The following KHDRBS3 variants were observed in gnomAD, a reference collection of about 807,000 sequenced individuals.
KHDRBS3 encodes KH RNA binding domain containing, signal transduction associated 3.
In KHDRBS3, 23 loss-of-function variants were observed where a neutral mutation model predicts 45.6. That is an observed-to-expected ratio of 0.50 (90% CI 0.36 to 0.72). KHDRBS3 has a LOEUF of 0.72. Ranked by LOEUF, KHDRBS3 falls within the 30% of genes least tolerant of loss-of-function variation. The probability of loss-of-function intolerance (pLI) is 0.00; values close to 1 mark genes in which losing one functional copy is unlikely to be tolerated. For synonymous variants in KHDRBS3, 162 were observed against 156.5 expected (o/e 1.04, Z -0.26); for missense variants, 352 against 424.8 (o/e 0.83, Z 1.51).
At chr8:135,655,444 T>C (rs1481512732) in intron 4 of KHDRBS3, among the ~76,000 whole-genome samples, 1 of 152,138 alleles carries the variant, frequency 6.6e-6, no homozygotes, top group Non-Finnish European at 1.5e-5. Context: ...AATAAGCTAA[T>C]ACAGGTGGGA....
At chr8:135,574,614 A>G (rs1398830625) in intron 5 of KHDRBS3, among the ~76,000 whole-genome samples, 1 of 152,196 alleles carries the variant, frequency 6.6e-6, no homozygotes, top group Non-Finnish European at 1.5e-5. Context: ...GATGGCAATC[A>G]TGGATATTGG....
Position 135,613,111 on chromosome 8 carries a change from AT to A in KHDRBS3, c.890+6076del, listed in dbSNP as rs551561192. Among the ~76,000 whole-genome samples the A allele has an allele frequency of 8.8e-4, 134 of 151,912 alleles. 3 individuals are homozygous for A. The highest frequency in any genetic ancestry group is 3.1e-3 in the African/African-American group (127 of 41,216). ...AGAGAACTGGAAAGCGGCCCCTCAT[AT>A]TCCTACTTTTTAAATTCCTATTTTA... On this transcript the variant is annotated intron_variant, in intron 7 of 8. Coordinates refer to ENST00000355849, the MANE Select transcript of KHDRBS3 (RefSeq NM_006558.3).
intron 1 of KHDRBS3, among the ~76,000 whole-genome samples, chr8:135,495,488 T>C (rs547662916): frequency 1.6e-4 from 25 of 152,212 alleles, no homozygotes; most frequent in Non-Finnish European, 3.1e-4. Context: ...AAATATATCA[T>C]GACAAGAATT....
intron 6 of KHDRBS3, among the ~76,000 whole-genome samples, chr8:135,588,524 G>T (rs1027262363): frequency 2.6e-5 from 4 of 152,090 alleles, no homozygotes; most frequent in Non-Finnish European, 4.4e-5. Context: ...GGAGGTCAAA[G>T]GTGGGACAGC....
intron 1 of KHDRBS3, among the ~76,000 whole-genome samples, chr8:135,478,807 T>TA (rs1375258284): frequency 6.6e-6 from 1 of 152,158 alleles, no homozygotes; most frequent in African/African-American, 2.4e-5. Flanking sequence ...TGTCAAAACT[T>TA]AAGAGATACA....
intron 7 of KHDRBS3, among the ~76,000 whole-genome samples, chr8:135,624,915 G>A (rs544433804): frequency 2.0e-4 from 31 of 152,222 alleles, no homozygotes; most frequent in African/African-American, 3.6e-4. Flanking sequence ...AGTGTGACCC[G>A]CATCTGCATG....
intron 5 of KHDRBS3, among the ~76,000 whole-genome samples, chr8:135,576,744 CTTG>C (rs1296286884): frequency 6.6e-6 from 1 of 152,150 alleles, no homozygotes; most frequent in African/African-American, 2.4e-5. Context: ...TGCTGGCCCG[CTTG>C]TTGTTTCTGG....
At chr8:135,568,702 A>T (rs1188409843) in intron 5 of KHDRBS3, among the ~76,000 whole-genome samples, 1 of 152,224 alleles carries the variant, frequency 6.6e-6, no homozygotes, top group Non-Finnish European at 1.5e-5. Context: ...TGAAAGTAAT[A>T]AACATGTGCT....
chr8:135,607,134 T>C, intron 7 of KHDRBS3, 97 bp downstream of exon 7: 1 of 885,498 alleles, frequency 1.1e-6, no homozygotes, highest in Non-Finnish European at 1.8e-6. Flanking sequence ...CTAGAGAGGG[T>C]AATTGGCTTG....
At chr8:135,517,417 G>T (rs1824667375) in intron 1 of KHDRBS3, among the ~76,000 whole-genome samples, 1 of 152,152 alleles carries the variant, frequency 6.6e-6, no homozygotes, top group South Asian at 2.1e-4. Flanking sequence ...CGGGGAAGAT[G>T]AGAGCGGTAG....
chr8:135,642,279 A>T (rs1831092784), intron 7 of KHDRBS3, among the ~76,000 whole-genome samples: 1 of 152,184 alleles, frequency 6.6e-6, no homozygotes, highest in South Asian at 2.1e-4. Flanking sequence ...CTGAGCTTTG[A>T]GTGTAGGTGC....
At chr8:135,648,503 T>G (rs964400457), downstream of KHDRBS3, 1 of 152,254 alleles carries the variant, frequency 6.6e-6, no homozygotes, top group Non-Finnish European at 1.5e-5. Flanking sequence ...GATTTTTTTC[T>G]GTTTATGTTG....
chr8:135,593,955 C>T (rs751958949), intron 6 of KHDRBS3, among the ~76,000 whole-genome samples: 12 of 152,108 alleles, frequency 7.9e-5, no homozygotes, highest in Non-Finnish European at 1.3e-4. Flanking sequence ...GAGTAGCACT[C>T]AGGTAGGAGG....
At chr8:135,587,059 T>A (rs1050945471) in intron 6 of KHDRBS3, among the ~76,000 whole-genome samples, 1 of 152,234 alleles carries the variant, frequency 6.6e-6, no homozygotes, top group African/African-American at 2.4e-5. Flanking sequence ...TAAATACTTA[T>A]ATTATGCCCA....
At chr8:135,459,851 G>A (rs763154974) in intron 1 of KHDRBS3, among the ~76,000 whole-genome samples, 72 of 152,250 alleles carry the variant, frequency 4.7e-4, no homozygotes, top group Non-Finnish European at 9.4e-4. Context: ...GGGAAATGTT[G>A]CCATTTAGTG....
chr8:135,607,580 A>T (rs1160980042), intron 7 of KHDRBS3, among the ~76,000 whole-genome samples: 1 of 152,244 alleles, frequency 6.6e-6, no homozygotes, highest in Non-Finnish European at 1.5e-5. Flanking sequence ...ACAGAGCTTC[A>T]TACTTACCTC....
chr8:135,539,555 A>C (rs978185730), intron 2 of KHDRBS3: 1 of 152,222 alleles, frequency 6.6e-6, no homozygotes. Flanking sequence ...TCATCTATTT[A>C]TTACTTACTA....
chr8:135,581,964 G>A lies in KHDRBS3; in HGVS notation c.698G>A (p.Gly233Glu). The change falls in exon 6 of 9, where the codon GGG (glycine) becomes GAG (glutamate). Residue 233 changes from glycine to glutamate, a missense_variant. Coordinates refer to ENST00000355849, the MANE Select transcript of KHDRBS3 (RefSeq NM_006558.3). ...CCCAGAGGAGTCCTGTCCACCCGAG[G>A]GCCAGTGAGTCGGGGAAGAGGACTT... Reference protein sequence around the residue: ...PTPRGVLSTRGPVSRGRGLLT... With the variant: ...PTPRGVLSTREPVSRGRGLLT... 1.9e-6 allele frequency: 3 copies of A among 1,613,446 alleles called. No homozygotes were observed. The highest frequency in any genetic ancestry group is 1.7e-6 in the Non-Finnish European group (2 of 1,179,712).
intron 7 of KHDRBS3, among the ~76,000 whole-genome samples, chr8:135,633,571 T>C (rs1485866656): frequency 1.3e-5 from 2 of 152,218 alleles, no homozygotes; most frequent in Non-Finnish European, 2.9e-5. Context: ...TCTTATGAAA[T>C]ATAGGGACTG....
Sources: gnomAD v4.1 joint callset for allele counts (sites outside exome capture counted in the v4.1 genomes callset) on GRCh38, gnomAD v4.1.1 for gene constraint, MANE v1.5 for transcripts, NCBI Gene and HGNC (gene_info 2026-07-23, HGNC 2026-07-21) for gene names.